The following DBX2 variants were observed in gnomAD, a reference collection of about 807,000 sequenced individuals.
DBX2 encodes homeobox protein DBX2.
A neutral mutation model predicts 17.7 loss-of-function variants in DBX2; 16 were observed. That is an observed-to-expected ratio of 0.90 (90% CI 0.61 to 1.37). DBX2 has a LOEUF of 1.37. Among genes scored for constraint, DBX2 ranks in the 40% most tolerant of loss-of-function variants. DBX2 has a pLI of 0.00. For synonymous variants in DBX2, 255 were observed against 183.8 expected (o/e 1.39, Z -3.13); for missense variants, 538 against 433.8 (o/e 1.24, Z -2.13).
Position 45,016,570 on chromosome 12 carries a change from C to A in DBX2, c.736G>T (p.Glu246Ter), listed in dbSNP as rs757700842. The change falls in exon 4 of 4, where the codon GAA (glutamate) becomes TAA (stop). Residue 246 changes from glutamate to a stop codon, truncating the protein, a stop_gained. Transcript: ENST00000332700. LOFTEE classifies it low-confidence loss of function (END_TRUNC). ...CACCTGTTGGAAAGCACTTCCTTTTCTTTGGAATTCCGCCATTTCATCCTC... is the reference window on the plus strand; with the variant it reads ...CACCTGTTGGAAAGCACTTCCTTTTATTTGGAATTCCGCCATTTCATCCTC... ...NRRMKWRNSK[E>*]KEVLSNRCIQ... is the part of the protein sequence containing the mutation. 3 of 1,560,258 alleles carry A rather than the reference C, an allele frequency of 1.9e-6. No individual in the cohort carries two copies. The African/African-American group carries it at 4.1e-5, about 21-fold the overall frequency.
Position 45,029,879 on chromosome 12 carries a change from A to AAAATAAATAAATAAATAAAT in DBX2, c.500-6005_500-5986dup, listed in dbSNP as rs146831156. The stretch of plus-strand genomic sequence containing the variant: ...ACTCCATCTTAAAAAAAAAATAATA[A>AAAATAAATAAATAAATAAAT]AAATAAATAAATAAATAAATAAATA... On this transcript the variant is annotated intron_variant, in intron 2 of 3. Transcript: ENST00000332700. 2.6e-3 allele frequency among the ~76,000 whole-genome samples: 377 copies of AAAATAAATAAATAAATAAAT among 143,234 alleles called. 2 individuals are homozygous for AAAATAAATAAATAAATAAAT. Among genetic ancestry groups the AAAATAAATAAATAAATAAAT allele is most frequent in the African/African-American group, 6.3e-3 (246 of 38,830 alleles). The allele number at this position is 143,234 out of a possible 152,430, so 94.0% of individuals were successfully genotyped here.
intron 2 of DBX2, among the ~76,000 whole-genome samples, chr12:45,025,619 T>C (rs2643138): frequency 0.71 from 105,720 of 149,496 alleles, 38,763 homozygotes; most frequent in East Asian, 0.94. Context: ...GGAGGGGTGA[T>C]CCATGAACAT....
At chr12:45,022,074 A>G (rs1473680496) in intron 3 of DBX2, among the ~76,000 whole-genome samples, 2 of 152,058 alleles carry the variant, frequency 1.3e-5, no homozygotes, top group Non-Finnish European at 2.9e-5. Flanking sequence ...CAGAATTCCT[A>G]TATTTGTTTC....
intron 3 of DBX2, among the ~76,000 whole-genome samples, chr12:45,017,397 A>T (rs891229157): frequency 6.6e-6 from 1 of 152,182 alleles, no homozygotes; most frequent in Non-Finnish European, 1.5e-5. Flanking sequence ...ACATTAGCTT[A>T]TGGTCACAAA....
At chr12:45,020,983 C>T (rs749868290) in intron 3 of DBX2, among the ~76,000 whole-genome samples, 8 of 151,986 alleles carry the variant, frequency 5.3e-5, no homozygotes, top group Non-Finnish European at 8.8e-5. Flanking sequence ...TTTATCTTTA[C>T]AGGTTTCCTT....
At chr12:45,022,949 G>A (rs1946361653) in intron 3 of DBX2, among the ~76,000 whole-genome samples, 1 of 152,116 alleles carries the variant, frequency 6.6e-6, no homozygotes, top group South Asian at 2.1e-4. Flanking sequence ...CATGATATAG[G>A]ACCTACGTTC....
At chr12:45,025,434 C>T (rs918632951) in intron 2 of DBX2, among the ~76,000 whole-genome samples, 1 of 152,082 alleles carries the variant, frequency 6.6e-6, no homozygotes, top group African/African-American at 2.4e-5. Flanking sequence ...AGGGTCTGAC[C>T]TCTATAACTA....
At chr12:45,039,503 T>C (rs1946459836) in intron 1 of DBX2, among the ~76,000 whole-genome samples, 1 of 151,594 alleles carries the variant, frequency 6.6e-6, no homozygotes, top group Non-Finnish European at 1.5e-5. Context: ...TAAAATGCAT[T>C]TCAAACCCAT....
chr12:45,016,661 T>G lies in DBX2; in HGVS notation c.688-43A>C, dbSNP rs759298084. 6.7e-6 allele frequency: 10 copies of G among 1,498,712 alleles called. No homozygotes were observed. The Admixed American group carries it at 2.4e-4, about 36-fold the overall frequency. 92.8% of individuals were successfully genotyped at this position (1,498,712 alleles called of 1,614,324 possible). ...GCACAAAATGATCACTTATTCCAGG[T>G]TATTTTACTTCAGCATTTTAAACTG... On this transcript the variant is annotated intron_variant, in intron 3 of 3. Coordinates refer to ENST00000332700, the MANE Select transcript of DBX2 (RefSeq NM_001004329.3).
At chr12:45,048,939 G>C (rs947104418) in intron 1 of DBX2, among the ~76,000 whole-genome samples, 1 of 152,096 alleles carries the variant, frequency 6.6e-6, no homozygotes, top group Non-Finnish European at 1.5e-5. Context: ...GGACACTTTG[G>C]TTAAGTGTAC....
chr12:45,029,874 T>TAA (rs80164167), intron 2 of DBX2, among the ~76,000 whole-genome samples: 27 of 87,146 alleles, frequency 3.1e-4, no homozygotes, highest in Admixed American at 2.1e-3. Flanking sequence ...AAAAAAAAAA[T>TAA]AATAAAAATA....
At chr12:45,022,891 G>A (rs1309520574) in intron 3 of DBX2, among the ~76,000 whole-genome samples, 1 of 152,142 alleles carries the variant, frequency 6.6e-6, no homozygotes, top group Non-Finnish European at 1.5e-5. Flanking sequence ...ACAAACTCCA[G>A]AGTTAAGCTG....
intron 2 of DBX2, among the ~76,000 whole-genome samples, chr12:45,026,313 G>A (rs1437405876): frequency 6.6e-6 from 1 of 152,162 alleles, no homozygotes; most frequent in Admixed American, 6.5e-5. Context: ...AAGATCAATA[G>A]AAGCAGGGCA....
At chr12:45,019,016 G>A (rs901386436) in intron 3 of DBX2, among the ~76,000 whole-genome samples, 1 of 151,894 alleles carries the variant, frequency 6.6e-6, no homozygotes, top group Admixed American at 6.6e-5. Flanking sequence ...ATTGTTTAAT[G>A]GATAGAGTTT....
At chr12:45,028,594 C>T (rs916572045) in intron 2 of DBX2, among the ~76,000 whole-genome samples, 3 of 152,110 alleles carry the variant, frequency 2.0e-5, no homozygotes, top group African/African-American at 7.2e-5. Flanking sequence ...AAAGAAGATT[C>T]CCATTAAGAG....
intron 3 of DBX2, among the ~76,000 whole-genome samples, chr12:45,018,357 G>T (rs1424187581): frequency 6.6e-6 from 1 of 152,028 alleles, no homozygotes; most frequent in Non-Finnish European, 1.5e-5. Flanking sequence ...ATACATAAAA[G>T]GAGTTTCCTC....
rs868113086 is a variant in DBX2 at position 45,050,439 on chromosome 12, T to G, written c.403+86A>C. 16 of 1,489,680 alleles carry G rather than the reference T, an allele frequency of 1.1e-5. No homozygotes were observed. In the Middle Eastern group the frequency reaches 7.2e-4, roughly 67 times the overall value. The allele number at this position is 1,489,680 out of a possible 1,614,324, so 92.3% of individuals were successfully genotyped here. A position where few individuals can be genotyped will look rare whatever the true frequency, so the allele number is the denominator to read the frequency against. On this transcript the variant is annotated intron_variant, in intron 1 of 3. Transcript: ENST00000332700. ...CCAAACCGGCTCTCCCTGGGCGCAG[T>G]GCGCACCGCCGGCGCTCCCAGATCC...
chr12:45,032,400 G>A (rs1381199219), intron 2 of DBX2, among the ~76,000 whole-genome samples: 2 of 152,076 alleles, frequency 1.3e-5, no homozygotes, highest in African/African-American at 2.4e-5. Context: ...CCACAAATCT[G>A]GTCAGTGTCC....
At chr12:45,048,276 G>T (rs1218030219) in intron 1 of DBX2, among the ~76,000 whole-genome samples, 4 of 151,962 alleles carry the variant, frequency 2.6e-5, no homozygotes, top group African/African-American at 9.7e-5. Flanking sequence ...TTAAGTCTGG[G>T]AAAAAAGGGG....
Sources: gnomAD v4.1 joint callset for allele counts (sites outside exome capture counted in the v4.1 genomes callset) on GRCh38, gnomAD v4.1.1 for gene constraint, MANE v1.5 for transcripts, NCBI Gene and HGNC (gene_info 2026-07-23, HGNC 2026-07-21) for gene names.